The following KLF10 variants were observed in gnomAD, a reference collection of about 807,000 sequenced individuals.
The protein encoded by KLF10 is Krueppel-like factor 10.
Under a neutral mutation model 31.6 loss-of-function variants are expected in KLF10, and 17 were observed. The observed-to-expected ratio is 0.54, with a 90% CI of 0.37 to 0.81. The LOEUF is 0.81. Ranked by LOEUF, KLF10 falls within the 30% of genes least tolerant of loss-of-function variation. KLF10 has a pLI of 0.00. For synonymous variants in KLF10, 239 were observed against 215.1 expected (o/e 1.11, Z -0.97); for missense variants, 525 against 598.1 (o/e 0.88, Z 1.27).
chr8:102,653,052 C>T (rs898501263), intron 1 of KLF10, among the ~76,000 whole-genome samples: 5 of 152,102 alleles, frequency 3.3e-5, no homozygotes, highest in Non-Finnish European at 7.4e-5. Flanking sequence ...GGGTATCTTT[C>T]AAGTTAAAAT....
At position 102,650,104 on chromosome 8, in the gene KLF10, T is replaced by C. The variant is rs1379414148; in HGVS notation, c.*28A>G. On this transcript the variant is annotated 3_prime_UTR_variant, in exon 4 of 4. Coordinates refer to ENST00000285407, the MANE Select transcript of KLF10 (RefSeq NM_005655.4). Reference sequence around the variant, plus strand: ...CACTGGCTCCCGCTGAGACCAAAGTTAGTTCTGACTCTTCACTTTCCGGTC... The same window carrying C: ...CACTGGCTCCCGCTGAGACCAAAGTCAGTTCTGACTCTTCACTTTCCGGTC... 6.2e-7 allele frequency: 1 copy of C among 1,611,478 alleles called. No individual in the cohort carries two copies. Among genetic ancestry groups the C allele is most frequent in the African/African-American group, 1.3e-5 (1 of 74,914 alleles).
intron 1 of KLF10, 135 bp downstream of exon 1, chr8:102,655,431 C>G: frequency 8.6e-7 from 1 of 1,158,116 alleles, no homozygotes; most frequent in South Asian, 1.3e-5. Flanking sequence ...GCAGGAAGCC[C>G]TTTCCTTCCC....
In KLF10 at chr8:102,649,259, C is replaced by T. The variant is rs1363991518; in HGVS notation, c.*873G>A. 6.6e-6 allele frequency: 1 copy of T among 152,428 alleles called. No individual in the cohort carries two copies. Among genetic ancestry groups the T allele is most frequent in the Non-Finnish European group, 1.5e-5 (1 of 68,010 alleles). The allele number at this position is 152,428 out of a possible 1,614,324, so 9.4% of individuals were successfully genotyped here. On this transcript the variant is annotated 3_prime_UTR_variant, in exon 4 of 4. Transcript: ENST00000285407. ...TAAGCCATCTTTTTCAAGAAGTTAT[C>T]TAAGATTCTTAATATCCCTTCTTTA...
At position 102,655,641 on chromosome 8, in the gene KLF10, C is replaced by T; in HGVS notation, c.-40G>A. 2 of 1,611,808 alleles carry T rather than the reference C, an allele frequency of 1.2e-6. No homozygotes were observed. The highest frequency in any genetic ancestry group is 2.7e-5 in the African/African-American group (2 of 75,032). On this transcript the variant is annotated 5_prime_UTR_variant, in exon 1 of 4. Coordinates refer to ENST00000285407, the MANE Select transcript of KLF10 (RefSeq NM_005655.4). ...CCGCCGGCGGCAAGCTGACTGGCTGCTAGGCTGCTGGCTGCTTGGCCACAG... is the reference window on the plus strand; with the variant it reads ...CCGCCGGCGGCAAGCTGACTGGCTGTTAGGCTGCTGGCTGCTTGGCCACAG...
In KLF10 at chr8:102,648,994, C is replaced by T. The variant is rs1015430319; in HGVS notation, c.*1138G>A. ...TTCACTATATATTTTAAGCAATGTA[C>T]TTTTGTTTTGCCACTGTGTATATCA... On this transcript the variant is annotated 3_prime_UTR_variant, in exon 4 of 4. Transcript: ENST00000285407. 6.6e-6 allele frequency: 1 copy of T among 152,456 alleles called. No homozygotes were observed. Among genetic ancestry groups the T allele is most frequent in the Non-Finnish European group, 1.5e-5 (1 of 67,992 alleles). 9.4% of individuals were successfully genotyped at this position (152,456 alleles called of 1,614,324 possible). A position where few individuals can be genotyped will look rare whatever the true frequency, so the allele number is the denominator to read the frequency against.
In KLF10 at chr8:102,655,692, C is replaced by T. The variant is rs1053270691; in HGVS notation, c.-91G>A. The T allele has an allele frequency of 7.0e-6, 10 of 1,434,270 alleles. No individual in the cohort carries two copies. The African/African-American group carries it at 9.9e-5, about 14-fold the overall frequency. The allele number at this position is 1,434,270 out of a possible 1,614,324, so 88.8% of individuals were successfully genotyped here. A position where few individuals can be genotyped will look rare whatever the true frequency, so the allele number is the denominator to read the frequency against. On this transcript the variant is annotated 5_prime_UTR_variant, in exon 1 of 4. Transcript: ENST00000285407. ...ACGGGCGCACGGAGACACTCGACGC[C>T]GCTCCCGCCGCCGCCGCGCTCAGCG...
rs1255941326 is a variant in KLF10 at position 102,649,092 on chromosome 8, T to C, written c.*1040A>G. Reference sequence around the variant, plus strand: ...TGTTCTAATAATTTTTCTACCCAACTACCTCCACATCCCCAAAAAACGCCT... The same window carrying C: ...TGTTCTAATAATTTTTCTACCCAACCACCTCCACATCCCCAAAAAACGCCT... On this transcript the variant is annotated 3_prime_UTR_variant, in exon 4 of 4. Coordinates refer to ENST00000285407, the MANE Select transcript of KLF10 (RefSeq NM_005655.4). 1 of 150,864 alleles carries C rather than the reference T, an allele frequency of 6.6e-6. No individual in the cohort carries two copies. Among genetic ancestry groups the C allele is most frequent in the Non-Finnish European group, 1.5e-5 (1 of 67,802 alleles). The allele number at this position is 150,864 out of a possible 1,614,324, so 9.3% of individuals were successfully genotyped here.
intron 1 of KLF10, chr8:102,653,825 G>A (rs1219747899): frequency 1.4e-5 from 14 of 1,023,334 alleles, no homozygotes; most frequent in Non-Finnish European, 1.7e-5. Flanking sequence ...AGGGAGGGGA[G>A]GAAAGGGAGT....
intron 1 of KLF10, chr8:102,653,830 G>T (rs193039494): frequency 1.9e-5 from 19 of 1,023,766 alleles, no homozygotes; most frequent in East Asian, 7.6e-5. Context: ...GGGGAGGAAA[G>T]GGAGTGGGGC....
intron 1 of KLF10, chr8:102,653,508 C>G (rs760941775): frequency 6.5e-7 from 1 of 1,534,902 alleles, no homozygotes; most frequent in East Asian, 2.4e-5. Flanking sequence ...ACTGTCCAGA[C>G]TCGTTTGGTC....
At chr8:102,653,827 A>T in intron 1 of KLF10, 1 of 1,020,418 alleles carries the variant, frequency 9.8e-7, no homozygotes, top group Non-Finnish European at 1.2e-6. Context: ...GGAGGGGAGG[A>T]AAGGGAGTGG....
intron 3 of KLF10, among the ~76,000 whole-genome samples, chr8:102,650,809 T>C (rs1286244322): frequency 7.4e-6 from 1 of 135,518 alleles, no homozygotes; most frequent in East Asian, 2.0e-4. Context: ...CTCAGACATC[T>C]ACAGAATCAT....
rs190177424 is a variant in KLF10, at chr8:102,651,156, C to G, written c.1176G>C (p.Thr392=). ...ATAAGAAGTGGCTGGTACCTGTGTG[C>G]GTCCTCGTGTGGGCCTTCAGATGGG... ...KSSHLKAHTR[T]HTGEKPFSCS... The change falls in exon 3 of 4, where the codon ACG becomes ACC. Residue 392 remains threonine, a synonymous_variant. Coordinates refer to ENST00000285407, the MANE Select transcript of KLF10 (RefSeq NM_005655.4). 1.9e-4 allele frequency: 291 copies of G among 1,503,964 alleles called. 2 individuals carry two copies. The East Asian group carries it at 5.4e-3, about 28-fold the overall frequency. The allele number at this position is 1,503,964 out of a possible 1,614,324, so 93.2% of individuals were successfully genotyped here.
intron 1 of KLF10, chr8:102,653,448 A>T (rs1428849967): frequency 1.5e-6 from 2 of 1,312,006 alleles, no homozygotes; most frequent in Non-Finnish European, 2.0e-6. Context: ...GAACTACGCT[A>T]AAAAAAAATG....
Position 102,655,497 on chromosome 8 carries a change from T to C in KLF10, c.36+69A>G, listed in dbSNP as rs1587836926. Reference sequence around the variant, plus strand: ...CATGGCTGATGTCCGGGGCTCGGGGTTCGCGCCCCCTTTGGCCCCCCAGAC... The same window carrying C: ...CATGGCTGATGTCCGGGGCTCGGGGCTCGCGCCCCCTTTGGCCCCCCAGAC... On this transcript the variant is annotated intron_variant, in intron 1 of 3. Transcript: ENST00000285407. 9 of 1,584,230 alleles carry C rather than the reference T, an allele frequency of 5.7e-6. No homozygotes were observed. In the South Asian group the frequency reaches 8.9e-5, roughly 16 times the overall value.
In KLF10 at chr8:102,651,576, C is replaced by A; in HGVS notation, c.756G>T (p.Gln252His). 1 of 1,614,196 alleles carries A rather than the reference C, an allele frequency of 6.2e-7. No individual in the cohort carries two copies. The highest frequency in any genetic ancestry group is 1.1e-5 in the South Asian group (1 of 91,076). The change falls in exon 3 of 4, where the codon CAG becomes CAT. Residue 252 changes from glutamine to histidine, a missense_variant. Transcript: ENST00000285407. The stretch of plus-strand genomic sequence containing the variant: ...CAGGTGGAGAGACCAACACTGACTT[C>A]TGTTGTGGGGACACAGGGGCTGGCT... ...RSQPAPVSPQ[Q>H]KSVLVSPPAV... is the part of the protein sequence containing the mutation.
chr8:102,651,177 ATGGG>A lies in KLF10; in HGVS notation c.1151_1154del (p.Ser384PhefsTer2). On this transcript the variant is annotated frameshift_variant, in exon 3 of 4. Transcript: ENST00000285407. LOFTEE classifies it high-confidence loss of function. ...TGTGCGTCCTCGTGTGGGCCTTCAGATGGGAACTTTTAAAGTATGTCTTGCCACA... is the reference window on the plus strand; with the variant it reads ...TGTGCGTCCTCGTGTGGGCCTTCAGAAACTTTTAAAGTATGTCTTGCCACA... 6.6e-7 allele frequency: 1 copy of A among 1,512,196 alleles called. No homozygotes were observed. The highest frequency in any genetic ancestry group is 8.9e-7 in the Non-Finnish European group (1 of 1,129,398). 93.7% of individuals were successfully genotyped at this position (1,512,196 alleles called of 1,614,324 possible).
At chr8:102,654,068 G>A in intron 1 of KLF10, 2 of 754,572 alleles carry the variant, frequency 2.7e-6, no homozygotes, top group Non-Finnish European at 3.2e-6. Flanking sequence ...AGCCCGGATT[G>A]GCTGTGCGGC....
rs1234961497 is a variant in KLF10 at position 102,650,225 on chromosome 8, G to C, written c.1350C>G (p.Arg450=). 6.2e-7 allele frequency: 1 copy of C among 1,614,184 alleles called. No individual in the cohort carries two copies. Among genetic ancestry groups the C allele is most frequent in the South Asian group, 1.1e-5 (1 of 91,080 alleles). Residue 450 remains arginine, a synonymous_variant, in exon 4 of 4, where the codon CGC becomes CGG. Coordinates refer to ENST00000285407, the MANE Select transcript of KLF10 (RefSeq NM_005655.4). ...RSDHLTKHAR[R]HLSAKKLPNW... is the part of the protein sequence containing the mutation. ...TTGGTAGCTTCTTGGCTGATAGATG[G>C]CGCCGGGCATGCTTGGTCAAATGGT...
Sources: allele counts gnomAD v4.1 joint callset (sites outside exome capture counted in the v4.1 genomes callset), GRCh38; gene constraint gnomAD v4.1.1; transcripts MANE v1.5; gene names NCBI Gene and HGNC (gene_info 2026-07-23, HGNC 2026-07-21).